TRIQK: variants seen among roughly 807,000 people sequenced by gnomAD.
The protein encoded by TRIQK is triple QxxK/R motif containing, also known as triple QxxK/R motif-containing protein.
Under a neutral mutation model 10.8 loss-of-function variants are expected in TRIQK, and 10 were observed. That is an observed-to-expected ratio of 0.92 (90% confidence interval 0.57 to 1.57). The LOEUF is 1.57. Ranked by LOEUF, TRIQK falls within the 40% of genes most tolerant of loss-of-function variation. TRIQK has a pLI of 0.00. For missense variants in TRIQK, 107 were observed against 97.7 expected, an observed-to-expected ratio of 1.09 and a Z score of -0.40; for synonymous variants, 33 against 33.7, an observed-to-expected ratio of 0.98 and a Z score of 0.07.
At chr8:92,945,730 T>C (rs978653910) in intron 2 of TRIQK, among the ~76,000 whole-genome samples, 4 of 152,202 alleles carry the variant, frequency 2.6e-5, no homozygotes, top group African/African-American at 4.8e-5. Flanking sequence ...GGATATTCAT[T>C]CTAGTTTTAG....
At chr8:92,940,439 T>C (rs1811211834) in intron 2 of TRIQK, among the ~76,000 whole-genome samples, 1 of 151,790 alleles carries the variant, frequency 6.6e-6, no homozygotes, top group South Asian at 2.1e-4. Flanking sequence ...AAAAAGATAT[T>C]GCATGCAAAT....
At chr8:92,964,250 C>T (rs1289099420) in intron 1 of TRIQK, among the ~76,000 whole-genome samples, 1 of 152,026 alleles carries the variant, frequency 6.6e-6, no homozygotes, top group Non-Finnish European at 1.5e-5. Flanking sequence ...CTTAGTCTCT[C>T]TGTAGGATGA....
At chr8:92,930,805 A>G (rs1288475430) in intron 2 of TRIQK, among the ~76,000 whole-genome samples, 1 of 152,180 alleles carries the variant, frequency 6.6e-6, no homozygotes, top group Admixed American at 6.5e-5. Flanking sequence ...GGATTATTTT[A>G]AGAAAATTAA....
chr8:92,964,356 G>C (rs1359482720), intron 1 of TRIQK, among the ~76,000 whole-genome samples: 1 of 151,836 alleles, frequency 6.6e-6, no homozygotes, highest in African/African-American at 2.4e-5. Context: ...TGAGGAGCAA[G>C]TCAATAGCTT....
chr8:92,975,952 C>T (rs1306511166), intron 1 of TRIQK, among the ~76,000 whole-genome samples: 1 of 151,796 alleles, frequency 6.6e-6, no homozygotes. Flanking sequence ...TATTTACTTT[C>T]CAAATATTTG....
intron 1 of TRIQK, among the ~76,000 whole-genome samples, chr8:93,013,010 A>G (rs1203767134): frequency 5.9e-5 from 9 of 152,134 alleles, no homozygotes; most frequent in Admixed American, 5.9e-4. Context: ...TTGTGTGCAT[A>G]GTGTGAAGGG....
intron 2 of TRIQK, among the ~76,000 whole-genome samples, chr8:92,934,597 A>G (rs1810891422): frequency 6.6e-6 from 1 of 151,920 alleles, no homozygotes; most frequent in Admixed American, 6.6e-5. Context: ...TAAATGTCAA[A>G]AGTATAAAAA....
chr8:92,892,249 C>T (rs1816804981), intron 3 of TRIQK, among the ~76,000 whole-genome samples, 175 bp from the exon 4 acceptor site: 1 of 151,892 alleles, frequency 6.6e-6, no homozygotes, highest in African/African-American at 2.4e-5. Flanking sequence ...TTCCTTCTCT[C>T]TTACTTTTTC....
intron 2 of TRIQK, among the ~76,000 whole-genome samples, chr8:92,931,285 G>A (rs933561972): frequency 1.3e-5 from 2 of 152,034 alleles, no homozygotes; most frequent in Non-Finnish European, 2.9e-5. Context: ...TAATTTATAT[G>A]CATTTTACAT....
intron 3 of TRIQK, among the ~76,000 whole-genome samples, chr8:92,908,746 G>C (rs193135799): frequency 7.2e-5 from 11 of 152,020 alleles, no homozygotes; most frequent in African/African-American, 2.6e-4. Context: ...AGAGATAAGA[G>C]TCAAAATATT....
intron 3 of TRIQK, among the ~76,000 whole-genome samples, chr8:92,892,744 C>T (rs1816827527): frequency 6.6e-6 from 1 of 151,836 alleles, no homozygotes; most frequent in Non-Finnish European, 1.5e-5. Context: ...ATGTGCGAAA[C>T]TGAGTTAGTG....
chr8:92,952,442 C>G (rs569466346), intron 2 of TRIQK, among the ~76,000 whole-genome samples: 98 of 151,766 alleles, frequency 6.5e-4, no homozygotes, highest in Non-Finnish European at 1.1e-3. Flanking sequence ...CACACACACA[C>G]AGAACAGAAT....
At chr8:92,962,014 T>G (rs1483170445) in intron 1 of TRIQK, among the ~76,000 whole-genome samples, 2 of 152,136 alleles carry the variant, frequency 1.3e-5, no homozygotes, top group African/African-American at 4.8e-5. Flanking sequence ...AAATTACGAA[T>G]TAAGTAGGAA....
intron 2 of TRIQK, among the ~76,000 whole-genome samples, chr8:92,949,966 T>C (rs1163167349): frequency 6.6e-6 from 1 of 152,086 alleles, no homozygotes; most frequent in Admixed American, 6.6e-5. Context: ...TTAAGATTCT[T>C]AGGATATAAG....
intron 3 of TRIQK, among the ~76,000 whole-genome samples, chr8:92,915,019 T>G (rs1025568431): frequency 6.6e-6 from 1 of 152,120 alleles, no homozygotes; most frequent in Non-Finnish European, 1.5e-5. Flanking sequence ...TAAAAATATA[T>G]TTCACCCTTT....
upstream of TRIQK, among the ~76,000 whole-genome samples, chr8:92,968,975 A>G (rs1812846597): frequency 6.6e-6 from 1 of 152,044 alleles, no homozygotes; most frequent in Admixed American, 6.6e-5. Flanking sequence ...GTTAATATTT[A>G]TATAAGGTAT....
At chr8:92,988,340 CA>C in intron 1 of TRIQK, among the ~76,000 whole-genome samples, 1 of 152,064 alleles carries the variant, frequency 6.6e-6, no homozygotes, top group Non-Finnish European at 1.5e-5. Context: ...TTATTATACC[CA>C]AAAGGTGAAC....
chr8:92,968,511 G>T (rs150961003), upstream of TRIQK, among the ~76,000 whole-genome samples: 19 of 152,224 alleles, frequency 1.2e-4, no homozygotes, highest in East Asian at 3.7e-3. Flanking sequence ...GCATGAGATG[G>T]TATCTCATTG....
intron 1 of TRIQK, among the ~76,000 whole-genome samples, chr8:92,988,506 C>G (rs1054754405): frequency 1.3e-5 from 2 of 152,274 alleles, no homozygotes; most frequent in African/African-American, 4.8e-5. Flanking sequence ...TTATTTTCTA[C>G]TCTCGTGCTA....
Sources: allele counts gnomAD v4.1 joint callset (sites outside exome capture counted in the v4.1 genomes callset), GRCh38; gene constraint gnomAD v4.1.1; transcripts MANE v1.5; gene names NCBI Gene and HGNC (gene_info 2026-07-23, HGNC 2026-07-21).